Variants in CEP57 observed in about 807,000 individuals in gnomAD.
The protein encoded by CEP57 is centrosomal protein of 57 kDa.
Under a neutral mutation model 68.0 loss-of-function variants are expected in CEP57, and 40 were observed. That is an observed-to-expected ratio of 0.59 (90% CI 0.46 to 0.77). The LOEUF is 0.77. Ranked by LOEUF, CEP57 falls within the 30% of genes least tolerant of loss-of-function variation. The probability of loss-of-function intolerance (pLI) is 0.00; values close to 1 mark genes in which losing one functional copy is unlikely to be tolerated. For synonymous variants in CEP57, 219 were observed against 198.7 expected (o/e 1.10, Z -0.86); for missense variants, 606 against 580.7 (o/e 1.04, Z -0.45).
chr11:95,829,222 C>G lies in CEP57; in HGVS notation c.1163C>G (p.Ser388Trp), dbSNP rs778871999. Residue 388 changes from serine to tryptophan, a missense_variant, in exon 10 of 11, where the codon TCG becomes TGG. Ser to Trp is a radical substitution (Grantham distance 177, BLOSUM62 -3). Transcript: ENST00000325542. ...CAGCTTGCAAAACTTATCCAGGAGT[C>G]GCCAACCGTTGAACTGAAAGACAAG... The part of the protein sequence containing the change: ...HQQLAKLIQE[S>W]PTVELKDKLE... 3.1e-6 allele frequency: 5 copies of G among 1,613,822 alleles called. No homozygotes were observed. The African/African-American group carries it at 4.0e-5, about 13-fold the overall frequency.
chr11:95,801,893 A>G (rs983275119), intron 2 of CEP57, among the ~76,000 whole-genome samples: 2 of 152,334 alleles, frequency 1.3e-5, no homozygotes, highest in South Asian at 4.1e-4. Context: ...CCTTTAGAGC[A>G]TGATGCGGTG....
chr11:95,816,182 ATTC>A (rs752924973), intron 4 of CEP57, among the ~76,000 whole-genome samples: 48 of 152,300 alleles, frequency 3.2e-4, no homozygotes, highest in Middle Eastern at 3.4e-3. Context: ...AAGCATACAT[ATTC>A]TTCTTCACAT....
intron 4 of CEP57, among the ~76,000 whole-genome samples, chr11:95,817,143 G>A (rs1209357567): frequency 6.6e-6 from 1 of 151,894 alleles, no homozygotes; most frequent in Non-Finnish European, 1.5e-5. Context: ...TGAGGCGGGT[G>A]GCTTACGGGG....
intron 9 of CEP57, 89 bp from the exon 10 acceptor site, chr11:95,829,098 C>A: frequency 2.2e-6 from 3 of 1,351,582 alleles, no homozygotes; most frequent in Non-Finnish European, 3.1e-6. Context: ...TTTTTAAACA[C>A]ATGGAGCAGT....
intron 8 of CEP57, 98 bp from the exon 9 acceptor site, chr11:95,827,688 T>TG: frequency 8.9e-6 from 12 of 1,354,482 alleles, no homozygotes; most frequent in Non-Finnish European, 1.3e-5. Flanking sequence ...TACTCTACTT[T>TG]AGGGGGTGGA....
At chr11:95,793,654 GA>G (rs1718131098) in intron 1 of CEP57, among the ~76,000 whole-genome samples, 1 of 152,118 alleles carries the variant, frequency 6.6e-6, no homozygotes, top group African/African-American at 2.4e-5. Flanking sequence ...AATCCTTAAA[GA>G]CCCTTTTCAT....
At chr11:95,829,166 C>G (rs762491151) in intron 9 of CEP57, 21 bp from the exon 10 acceptor site, 1 of 1,612,694 alleles carries the variant, frequency 6.2e-7, no homozygotes, top group African/African-American at 1.3e-5. Context: ...TAACCATGTT[C>G]TACTTCTGCT....
chr11:95,799,223 A>G lies in CEP57; in HGVS notation c.46-9A>G. ...CTTTTGAAAGGTAATTTGTGTCTTT[A>G]TTTTTTAGAACAGCTTTGCTGAGCC... On this transcript the variant is annotated splice_polypyrimidine_tract_variant and intron_variant, in intron 1 of 10. Transcript: ENST00000325542. 6.2e-7 allele frequency: 1 copy of G among 1,613,846 alleles called. No homozygotes were observed. The highest frequency in any genetic ancestry group is 2.2e-5 in the East Asian group (1 of 44,854).
intron 1 of CEP57, chr11:95,794,333 A>C (rs572466246): frequency 2.2e-6 from 1 of 455,984 alleles, no homozygotes; most frequent in South Asian, 1.5e-5. Context: ...CAGCAAATAT[A>C]ACTGAATGAA....
intron 2 of CEP57, among the ~76,000 whole-genome samples, chr11:95,810,551 C>G (rs488476): frequency 0.28 from 42,373 of 152,078 alleles, 7,076 homozygotes; most frequent in Non-Finnish European, 0.38. Flanking sequence ...TTCTTATACA[C>G]CAATAACAGA....
At chr11:95,790,359 C>G (rs1332219944), upstream of CEP57, 5 of 440,718 alleles carry the variant, frequency 1.1e-5, no homozygotes, top group African/African-American at 2.0e-5. Flanking sequence ...GGCCTGTAAC[C>G]CCGGCGTTGT....
upstream of CEP57, chr11:95,790,264 C>A: frequency 4.1e-6 from 1 of 246,522 alleles, no homozygotes; most frequent in South Asian, 5.6e-5. Flanking sequence ...TCCATTACTC[C>A]CTTCAGTTGC....
intron 10 of CEP57, among the ~76,000 whole-genome samples, 199 bp downstream of exon 10, chr11:95,829,530 T>TA (rs556588538): frequency 1.5e-3 from 229 of 152,352 alleles, no homozygotes; most frequent in African/African-American, 5.1e-3. Flanking sequence ...CATATTCATC[T>TA]AAGAAACATC....
intron 2 of CEP57, among the ~76,000 whole-genome samples, chr11:95,808,542 A>G (rs995755083): frequency 6.6e-6 from 1 of 152,194 alleles, no homozygotes; most frequent in Non-Finnish European, 1.5e-5. Flanking sequence ...AAGCAAATGG[A>G]AAACAAAAAA....
At position 95,790,629 on chromosome 11, in the gene CEP57, G is replaced by C. The variant is rs950638830; in HGVS notation, c.-70G>C. 1 of 1,576,016 alleles carries C rather than the reference G, an allele frequency of 6.3e-7. No homozygotes were observed. The highest frequency in any genetic ancestry group is 1.3e-5 in the African/African-American group (1 of 74,284). The stretch of plus-strand genomic sequence containing the variant: ...GGGTCCCCGCTGGTGGGCGGCTCCC[G>C]AGTCTTGGAGAAGAGCACGAGAACC... On this transcript the variant is annotated 5_prime_UTR_variant, in exon 1 of 11. Coordinates refer to ENST00000325542, the MANE Select transcript of CEP57 (RefSeq NM_014679.5).
chr11:95,798,505 TG>T (rs1861439739), intron 1 of CEP57, among the ~76,000 whole-genome samples: 1 of 152,228 alleles, frequency 6.6e-6, no homozygotes, highest in Admixed American at 6.5e-5. Context: ...TTTGAATAGC[TG>T]GTAGTCATAT....
rs1293929958 is a variant in CEP57 at position 95,831,236 on chromosome 11, A to AG, written c.1484dup (p.Ser495ArgfsTer26). The AG allele has an allele frequency of 6.2e-7, 1 of 1,612,526 alleles. No individual in the cohort carries two copies. Among genetic ancestry groups the AG allele is most frequent in the Admixed American group, 1.7e-5 (1 of 59,996 alleles). ...CATACAGAATTCATTACAAAGCAGT[A>AG]GTTTGTGTTGGGATTACTGACTCAT... On this transcript the variant is annotated frameshift_variant, in exon 11 of 11. Coordinates refer to ENST00000325542, the MANE Select transcript of CEP57 (RefSeq NM_014679.5). LOFTEE classifies it high-confidence loss of function.
chr11:95,797,452 G>A (rs1374762608), intron 1 of CEP57, among the ~76,000 whole-genome samples: 2 of 152,128 alleles, frequency 1.3e-5, no homozygotes, highest in Non-Finnish European at 2.9e-5. Flanking sequence ...ACAGGCATGA[G>A]CCACCATGCC....
intron 1 of CEP57, among the ~76,000 whole-genome samples, chr11:95,792,210 A>G (rs556887226): frequency 3.9e-4 from 59 of 152,306 alleles, no homozygotes; most frequent in Admixed American, 1.2e-3. Flanking sequence ...AAAAAGTAAA[A>G]AACTATTGGA....
Sources: gnomAD v4.1 joint callset for allele counts (sites outside exome capture counted in the v4.1 genomes callset) on GRCh38, gnomAD v4.1.1 for gene constraint, MANE v1.5 for transcripts, NCBI Gene and HGNC (gene_info 2026-07-23, HGNC 2026-07-21) for gene names.